Variants in GIT2 observed in about 807,000 individuals in gnomAD.
The protein encoded by GIT2 is GIT ArfGAP 2.
GIT2 carries 32 observed loss-of-function variants against 100.3 expected under a neutral mutation model. The ratio of observed to expected loss-of-function variants is 0.32; its 90% CI spans 0.24 to 0.43. The LOEUF (loss-of-function observed/expected upper bound fraction) is 0.43, where lower values mean the gene tolerates loss of function less well. GIT2 is among the 20% of genes least tolerant of loss of function. The pLI, the probability that GIT2 is intolerant of heterozygous loss-of-function variation, is 1.00. For missense variants in GIT2, 737 were observed against 975.1 expected (o/e 0.76, Z 3.25); for synonymous variants, 353 against 364.1 (o/e 0.97, Z 0.35).
chr12:109,999,619 G>A, upstream of GIT2: 1 of 1,316,388 alleles, frequency 7.6e-7, no homozygotes, highest in South Asian at 1.4e-5. The surrounding 1 kb of genome is among the most constrained non-coding windows in gnomAD (Gnocchi z 4.3). Context: ...GCAGGCAGGC[G>A]GGCGCGGGAG....
At chr12:109,981,711 G>A (rs1457674332) in intron 6 of GIT2, 1 of 152,182 alleles carries the variant, frequency 6.6e-6, no homozygotes, top group Non-Finnish European at 1.5e-5. Context: ...AATCCTTTCA[G>A]CAACAAGGAT....
rs146699175 is a variant in GIT2 at position 109,975,918 on chromosome 12, C to T, written c.718+5034G>A. ...TCCCAAGTAGCTAGGACTACAGGCA[C>T]GTACCACCATGCCTAGCTAATTTTT... On this transcript the variant is annotated intron_variant, in intron 7 of 19. Coordinates refer to ENST00000355312, the MANE Select transcript of GIT2 (RefSeq NM_057169.5). 6.9e-3 allele frequency among the ~76,000 whole-genome samples: 1,043 copies of T among 151,856 alleles called. 1 individual carries two copies. The highest frequency in any genetic ancestry group is 9.5e-3 in the Non-Finnish European group (644 of 67,926).
In GIT2 at chr12:109,978,076, G is replaced by GTTT. The variant is rs111855474; in HGVS notation, c.718+2873_718+2875dup. ...TTTATGTCTTTCACCAAATTTAGAG[G>GTTT]TTTTTTTTTTTTTTTTTTTTTTTTG... On this transcript the variant is annotated intron_variant, in intron 7 of 19. Transcript: ENST00000355312. 4.1e-3 allele frequency among the ~76,000 whole-genome samples: 380 copies of GTTT among 93,464 alleles called. 1 individual carries two copies. Among genetic ancestry groups the GTTT allele is most frequent in the East Asian group, 4.9e-3 (13 of 2,670 alleles). The allele number at this position is 93,464 out of a possible 152,430, so 61.3% of individuals were successfully genotyped here. A position where few individuals can be genotyped will look rare whatever the true frequency, so the allele number is the denominator to read the frequency against.
At chr12:109,996,530 T>G, upstream of GIT2, 1 of 385,148 alleles carries the variant, frequency 2.6e-6, no homozygotes. Context: ...TGGCAGAGAT[T>G]CCCCTCGTCC....
intron 12 of GIT2, among the ~76,000 whole-genome samples, chr12:109,958,817 T>C (rs1202604315): frequency 1.3e-5 from 2 of 152,124 alleles, no homozygotes; most frequent in Middle Eastern, 3.2e-3. Context: ...AAAACCAATA[T>C]GGATACAGTA....
Position 109,983,609 on chromosome 12 carries a change from G to A in GIT2, c.491C>T (p.Pro164Leu), listed in dbSNP as rs1405409408. The A allele has an allele frequency of 6.2e-7, 1 of 1,604,546 alleles. No individual in the cohort carries two copies. The highest frequency in any genetic ancestry group is 8.5e-7 in the Non-Finnish European group (1 of 1,171,368). The change falls in exon 5 of 20, where the codon CCT (proline) becomes CTT (leucine). Residue 164 changes from proline to leucine, a missense_variant and splice_region_variant. Pro to Leu is a moderately conservative substitution (Grantham distance 98). Around this residue, in one of 3 missense-constraint regions of GIT2, gnomAD observed 266 missense variants for 376.2 expected, o/e 0.71. Transcript: ENST00000355312. Reference protein sequence around the residue: ...SLGAQANFFHPEKGNTPLHVA... With the variant: ...SLGAQANFFHLEKGNTPLHVA... ...CTGAAGCAATTCATGTTTTCTTACA[G>A]GATGAAAGAAGTTGGCTTGTGCTCC...
chr12:109,979,192 A>C (rs924571042), intron 7 of GIT2, among the ~76,000 whole-genome samples: 1 of 150,684 alleles, frequency 6.6e-6, no homozygotes, highest in African/African-American at 2.4e-5. Flanking sequence ...AGGAAGGAGG[A>C]GGAGGAAAAA....
intron 16 of GIT2, among the ~76,000 whole-genome samples, chr12:109,940,769 C>T (rs953937615): frequency 2.0e-5 from 3 of 151,902 alleles, no homozygotes; most frequent in African/African-American, 7.2e-5. Flanking sequence ...AGTTCAGCTA[C>T]TCGGGAGGCT....
Position 109,932,830 on chromosome 12 carries a change from A to C in GIT2, c.*148T>G, listed in dbSNP as rs1372501011. 2 of 605,858 alleles carry C rather than the reference A, an allele frequency of 3.3e-6. No individual in the cohort carries two copies. The highest frequency in any genetic ancestry group is 2.0e-5 in the South Asian group (1 of 48,914). The allele number at this position is 605,858 out of a possible 1,614,324, so 37.5% of individuals were successfully genotyped here. A position where few individuals can be genotyped will look rare whatever the true frequency, so the allele number is the denominator to read the frequency against. On this transcript the variant is annotated 3_prime_UTR_variant, in exon 20 of 20. Transcript: ENST00000355312. ...AATAGTTGAAAATTGGTTAGAAAAC[A>C]TGCAAAAATAATACTGAGTTTTCTT...
chr12:109,942,879 A>G (rs1358654806), intron 16 of GIT2: 1 of 152,248 alleles, frequency 6.6e-6, no homozygotes, highest in Non-Finnish European at 1.5e-5. Flanking sequence ...CAACAAAAGC[A>G]TATGTACAGA....
At chr12:109,961,732 A>G in intron 9 of GIT2, 47 bp from the exon 10 acceptor site, 2 of 1,127,772 alleles carry the variant, frequency 1.8e-6, no homozygotes, top group Non-Finnish European at 2.7e-6. Flanking sequence ...GATTAATGCC[A>G]GGAGGACAAG....
intron 16 of GIT2, 62 bp from the exon 17 acceptor site, chr12:109,939,309 C>A: frequency 2.1e-6 from 2 of 949,342 alleles, no homozygotes; most frequent in Non-Finnish European, 3.5e-6. Context: ...AGGAGTCTTC[C>A]CCAGGAATTG....
chr12:109,998,999 G>C (rs545523956), upstream of GIT2: 4 of 152,208 alleles, frequency 2.6e-5, no homozygotes, highest in African/African-American at 9.7e-5. Context: ...AGGGTTTAGC[G>C]TTCCTCCTTC....
chr12:109,951,933 C>T (rs1022521253), intron 13 of GIT2, among the ~76,000 whole-genome samples: 1 of 152,134 alleles, frequency 6.6e-6, no homozygotes, highest in Non-Finnish European at 1.5e-5. Flanking sequence ...AAGAACATTC[C>T]AGCCTGCAGT....
chr12:109,971,209 A>G (rs1029555340), intron 7 of GIT2, among the ~76,000 whole-genome samples: 9 of 152,258 alleles, frequency 5.9e-5, no homozygotes, highest in African/African-American at 2.2e-4. Context: ...CCATAAGCAC[A>G]GTACATCTCT....
rs756469243 is a variant in GIT2 at position 109,961,256 on chromosome 12, C to T, written c.987+22G>A. The T allele has an allele frequency of 1.9e-5, 26 of 1,371,842 alleles. No homozygotes were observed. In the Middle Eastern group the frequency reaches 7.1e-4, roughly 38 times the overall value. 85.0% of individuals were successfully genotyped at this position (1,371,842 alleles called of 1,614,324 possible). Reference sequence around the variant, plus strand: ...ATCAGCCATTCCCCAACTACTATTCCTTTCCAAACTGAGCCACTTGCCTGA... The same window carrying T: ...ATCAGCCATTCCCCAACTACTATTCTTTTCCAAACTGAGCCACTTGCCTGA... On this transcript the variant is annotated intron_variant, in intron 11 of 19. Coordinates refer to ENST00000355312, the MANE Select transcript of GIT2 (RefSeq NM_057169.5).
chr12:109,999,786 T>A, upstream of GIT2: 4 of 1,528,116 alleles, frequency 2.6e-6, no homozygotes, highest in Non-Finnish European at 3.5e-6. The surrounding 1 kb of genome is among the most constrained non-coding windows in gnomAD (Gnocchi z 4.3). Context: ...CAGGGCCAGG[T>A]GAGGGGCGGG....
chr12:109,979,110 T>C (rs1481706522), intron 7 of GIT2, among the ~76,000 whole-genome samples: 2 of 152,110 alleles, frequency 1.3e-5, no homozygotes, highest in Non-Finnish European at 2.9e-5. Flanking sequence ...TTTAGGAACC[T>C]GTGCTGCCAC....
chr12:109,970,942 A>G (rs752457740), intron 7 of GIT2, among the ~76,000 whole-genome samples: 1 of 152,220 alleles, frequency 6.6e-6, no homozygotes, highest in African/African-American at 2.4e-5. Context: ...GGCATGCACC[A>G]TCACACATGG....
Sources: gnomAD v4.1 joint callset for allele counts (sites outside exome capture counted in the v4.1 genomes callset) on GRCh38, gnomAD v4.1.1 for gene constraint, gnomAD v4.1.1 regional missense constraint, Gnocchi (gnomAD v3.1) non-coding constraint, MANE v1.5 for transcripts, NCBI Gene and HGNC (gene_info 2026-07-23, HGNC 2026-07-21) for gene names.